The following CDH18 variants were observed in gnomAD, a reference collection of about 807,000 sequenced individuals.
CDH18 encodes the protein cadherin-18.
A neutral mutation model predicts 67.9 loss-of-function variants in CDH18; 31 were observed. The ratio of observed to expected loss-of-function variants is 0.46; its 90% confidence interval spans 0.34 to 0.62. The LOEUF (loss-of-function observed/expected upper bound fraction) is 0.62, where lower values mean the gene tolerates loss of function less well. Among genes scored for constraint, CDH18 ranks in the 20% least tolerant of loss-of-function variants. The pLI, the probability that CDH18 is intolerant of heterozygous loss-of-function variation, is 0.01. For synonymous variants in CDH18, 362 were observed against 347.2 expected (o/e 1.04, Z -0.48); for missense variants, 890 against 975.5 (o/e 0.91, Z 1.17).
chr5:19,637,130 TTCTC>T (rs894301372), intron 5 of CDH18, among the ~76,000 whole-genome samples: 2 of 151,780 alleles, frequency 1.3e-5, no homozygotes, highest in African/African-American at 4.8e-5. Context: ...TCCTTTTTCT[TTCTC>T]TTTCTTTCTT....
At chr5:19,807,767 C>A (rs532362264) in intron 3 of CDH18, among the ~76,000 whole-genome samples, 1 of 152,262 alleles carries the variant, frequency 6.6e-6, no homozygotes, top group African/African-American at 2.4e-5. Context: ...TATTCCTTCC[C>A]CAGAGAGTTC....
intron 2 of CDH18, among the ~76,000 whole-genome samples, chr5:19,903,526 A>C (rs1335622698): frequency 1.4e-5 from 1 of 71,786 alleles, no homozygotes; most frequent in African/African-American, 4.8e-5. Flanking sequence ...CAAAATAATG[A>C]CTCTGTGTGT....
chr5:20,555,408 CTTTTTTTTTTT>C (rs774396694), intron 1 of CDH18, among the ~76,000 whole-genome samples: 34 of 103,624 alleles, frequency 3.3e-4, no homozygotes, highest in African/African-American at 1.4e-3. Flanking sequence ...ACAAGCTTTT[CTTTTTTTTTTT>C]TTTTTTTTTT....
chr5:19,583,282 C>T (rs12189213), intron 7 of CDH18, among the ~76,000 whole-genome samples: 9,853 of 152,002 alleles, frequency 0.065, 349 homozygotes, highest in Non-Finnish European at 0.074. Context: ...ATAGGTTTTC[C>T]ACATTCAGAA....
chr5:19,684,679 G>GT, intron 5 of CDH18, among the ~76,000 whole-genome samples: 1 of 151,800 alleles, frequency 6.6e-6, no homozygotes. Flanking sequence ...TGAAAACCCT[G>GT]TAATTTGGAA....
chr5:19,921,343 A>G (rs1052466192), intron 2 of CDH18, among the ~76,000 whole-genome samples: 1 of 152,122 alleles, frequency 6.6e-6, no homozygotes, highest in Non-Finnish European at 1.5e-5. Context: ...TATCCTGGCT[A>G]ACACAGTGAA....
intron 1 of CDH18, among the ~76,000 whole-genome samples, chr5:20,557,890 TA>T (rs1455189007): frequency 9.8e-6 from 1 of 101,642 alleles, no homozygotes; most frequent in Non-Finnish European, 2.0e-5. Flanking sequence ...TTAAATGTTA[TA>T]GTTATATAAC....
chr5:19,616,882 T>G (rs1433500607), intron 5 of CDH18, among the ~76,000 whole-genome samples: 1 of 152,202 alleles, frequency 6.6e-6, no homozygotes, highest in Admixed American at 6.5e-5. Flanking sequence ...TGTCCTCACA[T>G]GGGCTTTCTT....
chr5:20,016,214 G>C (rs2150423529), intron 2 of CDH18, among the ~76,000 whole-genome samples: 1 of 152,232 alleles, frequency 6.6e-6, no homozygotes, highest in South Asian at 2.1e-4. Context: ...CCCAGGAACA[G>C]AGAACCAAAT....
chr5:19,993,230 G>C (rs1325519444), intron 2 of CDH18, among the ~76,000 whole-genome samples: 2 of 152,104 alleles, frequency 1.3e-5, no homozygotes, highest in African/African-American at 4.8e-5. Context: ...AGTGGGGACA[G>C]ACTTAGAACC....
intron 3 of CDH18, among the ~76,000 whole-genome samples, chr5:19,800,854 A>G (rs556792699): frequency 2.0e-5 from 3 of 152,316 alleles, no homozygotes; most frequent in Admixed American, 2.0e-4. Context: ...CATGTACTAC[A>G]TTCATAATAA....
chr5:19,553,531 C>A (rs1241121331), intron 8 of CDH18, among the ~76,000 whole-genome samples: 1 of 151,670 alleles, frequency 6.6e-6, no homozygotes, highest in Non-Finnish European at 1.5e-5. Flanking sequence ...GATTTTGTCA[C>A]CCAAGCAGTT....
chr5:19,475,192 GCACACACACA>G lies in CDH18; in HGVS notation c.1883-1486_1883-1477del, dbSNP rs34517461. Among the ~76,000 whole-genome samples the G allele has an allele frequency of 4.2e-3, 621 of 146,314 alleles. 4 individuals carry two copies. The highest frequency in any genetic ancestry group is 0.015 in the African/African-American group (593 of 40,022). On this transcript the variant is annotated intron_variant, in intron 12 of 12. Coordinates refer to ENST00000382275, the MANE Select transcript of CDH18 (RefSeq NM_004934.5). ...AAACGTGAATTTGAGATCAATAACAGCACACACACACACACACACACACACATGCTTCTCA... is the reference window on the plus strand; with the variant it reads ...AAACGTGAATTTGAGATCAATAACAGCACACACACACACACATGCTTCTCA...
At chr5:19,654,381 A>G (rs534335650) in intron 5 of CDH18, among the ~76,000 whole-genome samples, 9 of 152,356 alleles carry the variant, frequency 5.9e-5, no homozygotes, top group African/African-American at 2.2e-4. Context: ...AAATCTGATT[A>G]TATGCATGCA....
chr5:19,765,188 TC>T (rs1329137001), intron 3 of CDH18, among the ~76,000 whole-genome samples: 1 of 152,140 alleles, frequency 6.6e-6, no homozygotes, highest in Non-Finnish European at 1.5e-5. Flanking sequence ...ATTAACTGCA[TC>T]CCCGCTATGT....
At chr5:19,476,990 T>A (rs767337425) in intron 12 of CDH18, among the ~76,000 whole-genome samples, 47 of 151,660 alleles carry the variant, frequency 3.1e-4, no homozygotes, top group Non-Finnish European at 5.6e-4. Flanking sequence ...ATTCAAAATA[T>A]AGAGACCATT....
At chr5:20,032,996 G>A (rs2150455820) in intron 2 of CDH18, among the ~76,000 whole-genome samples, 1 of 152,014 alleles carries the variant, frequency 6.6e-6, no homozygotes, top group South Asian at 2.1e-4. Flanking sequence ...AAGTACCAAT[G>A]TTGAGATATT....
chr5:20,022,590 C>T (rs1301465742), intron 2 of CDH18, among the ~76,000 whole-genome samples: 1 of 151,896 alleles, frequency 6.6e-6, no homozygotes. Context: ...AATTAGTTGT[C>T]CATTTCTAAA....
At chr5:20,041,598 G>A (rs966666522) in intron 2 of CDH18, among the ~76,000 whole-genome samples, 1 of 152,138 alleles carries the variant, frequency 6.6e-6, no homozygotes, top group Non-Finnish European at 1.5e-5. Flanking sequence ...TAATGTCACA[G>A]GGAAAATAAT....
Sources: allele counts gnomAD v4.1 joint callset (sites outside exome capture counted in the v4.1 genomes callset), GRCh38; gene constraint gnomAD v4.1.1; transcripts MANE v1.5; gene names NCBI Gene and HGNC (gene_info 2026-07-23, HGNC 2026-07-21).